GPC6: variants seen among roughly 807,000 people sequenced by gnomAD.
GPC6 encodes glypican-6.
A neutral mutation model predicts 55.2 loss-of-function variants in GPC6; 14 were observed. The observed-to-expected ratio is 0.25, with a 90% CI of 0.17 to 0.40. The LOEUF (loss-of-function observed/expected upper bound fraction) is 0.40, where lower values mean the gene tolerates loss of function less well. Ranked by LOEUF, GPC6 falls within the 10% of genes least tolerant of loss-of-function variation. The probability of loss-of-function intolerance (pLI) is 1.00; values close to 1 mark genes in which losing one functional copy is unlikely to be tolerated. For synonymous variants in GPC6, 278 were observed against 259.6 expected (o/e 1.07, Z -0.68); for missense variants, 641 against 708.5 (o/e 0.90, Z 1.08).
At chr13:93,600,632 C>T (rs1877967571) in intron 2 of GPC6, among the ~76,000 whole-genome samples, 1 of 152,148 alleles carries the variant, frequency 6.6e-6, no homozygotes, top group African/African-American at 2.4e-5. Context: ...TGCTGCTAAG[C>T]AGGTTTATGT....
intron 2 of GPC6, among the ~76,000 whole-genome samples, chr13:93,738,319 G>T (rs1279506188): frequency 6.6e-6 from 1 of 152,094 alleles, no homozygotes; most frequent in Non-Finnish European, 1.5e-5. Flanking sequence ...GACAGAAGTT[G>T]TTCTGAATAG....
chr13:93,728,496 T>C (rs1401071774), intron 2 of GPC6, among the ~76,000 whole-genome samples: 1 of 151,664 alleles, frequency 6.6e-6, no homozygotes, highest in Non-Finnish European at 1.5e-5. Context: ...CCACTTTGGC[T>C]TCCCAAAGTG....
At chr13:93,689,549 C>T (rs1426005663) in intron 2 of GPC6, among the ~76,000 whole-genome samples, 2 of 152,036 alleles carry the variant, frequency 1.3e-5, no homozygotes, top group East Asian at 3.9e-4. Flanking sequence ...ATAGGAAAGG[C>T]ATTCCAGTTA....
intron 1 of GPC6, among the ~76,000 whole-genome samples, chr13:93,268,263 A>G (rs1438264453): frequency 6.6e-6 from 1 of 152,186 alleles, no homozygotes; most frequent in Non-Finnish European, 1.5e-5. Flanking sequence ...AGACTTTCCA[A>G]TGCCATTTGG....
At chr13:93,940,368 G>A (rs548694284) in intron 3 of GPC6, among the ~76,000 whole-genome samples, 1 of 151,588 alleles carries the variant, frequency 6.6e-6, no homozygotes, top group Non-Finnish European at 1.5e-5. Flanking sequence ...GATCTAGTGT[G>A]GCAGAAAGGA....
At chr13:93,981,930 A>C (rs1195324292) in intron 3 of GPC6, among the ~76,000 whole-genome samples, 2 of 152,028 alleles carry the variant, frequency 1.3e-5, no homozygotes, top group African/African-American at 4.8e-5. Context: ...CCAATTTCTT[A>C]TTTCATCAAG....
chr13:94,144,063 C>T (rs1033963580), intron 4 of GPC6, among the ~76,000 whole-genome samples: 3 of 152,068 alleles, frequency 2.0e-5, no homozygotes, highest in African/African-American at 7.2e-5. Context: ...GAAGACGTTT[C>T]CTGAAGGAGA....
At chr13:93,512,772 A>G (rs1171976580) in intron 1 of GPC6, among the ~76,000 whole-genome samples, 9 of 152,122 alleles carry the variant, frequency 5.9e-5, no homozygotes. Flanking sequence ...TAGGATAAAA[A>G]TTTGTAGCTA....
At chr13:93,848,470 C>T (rs368800011) in intron 3 of GPC6, among the ~76,000 whole-genome samples, 4 of 152,086 alleles carry the variant, frequency 2.6e-5, no homozygotes, top group African/African-American at 9.7e-5. Context: ...GGCAACCCTC[C>T]CAGTCATTAG....
At chr13:93,275,386 G>A (rs1166173163) in intron 1 of GPC6, among the ~76,000 whole-genome samples, 1 of 152,146 alleles carries the variant, frequency 6.6e-6, no homozygotes, top group Non-Finnish European at 1.5e-5. Flanking sequence ...GGAGAAGAGA[G>A]CCTCATTCTT....
Position 94,403,531 on chromosome 13 carries a change from C to A in GPC6, c.*314C>A. 3 of 316,346 alleles carry A rather than the reference C, an allele frequency of 9.5e-6. No individual in the cohort carries two copies. Among genetic ancestry groups the A allele is most frequent in the South Asian group, 4.1e-5 (1 of 24,350 alleles). The allele number at this position is 316,346 out of a possible 1,614,324, so 19.6% of individuals were successfully genotyped here. On this transcript the variant is annotated 3_prime_UTR_variant, in exon 9 of 9. Coordinates refer to ENST00000377047, the MANE Select transcript of GPC6 (RefSeq NM_005708.5). ...ATGCTGCAGAAGTAAAGGAATCTCA[C>A]GTTGTGAGGGTTTTTTTTTTCTCAT...
chr13:93,328,168 A>G (rs941976977), intron 1 of GPC6, among the ~76,000 whole-genome samples: 8 of 152,152 alleles, frequency 5.3e-5, no homozygotes, highest in African/African-American at 9.7e-5. Flanking sequence ...GACTTAAAGC[A>G]AATTCCCAGG....
At chr13:93,875,752 A>G (rs192434298) in intron 3 of GPC6, among the ~76,000 whole-genome samples, 3 of 152,174 alleles carry the variant, frequency 2.0e-5, no homozygotes, top group Admixed American at 6.5e-5. Context: ...CAAGCTAATC[A>G]TCTGCCTCCT....
intron 2 of GPC6, among the ~76,000 whole-genome samples, chr13:93,718,575 A>G (rs1452356851): frequency 3.3e-5 from 5 of 151,996 alleles, no homozygotes; most frequent in African/African-American, 1.2e-4. Flanking sequence ...CTCTGATGAT[A>G]GTTTATTTTG....
intron 2 of GPC6, among the ~76,000 whole-genome samples, chr13:93,680,644 T>C (rs1881812215): frequency 3.3e-5 from 5 of 152,118 alleles, no homozygotes; most frequent in Admixed American, 2.6e-4. Flanking sequence ...GCATGACAGA[T>C]GACTGATAAC....
intron 2 of GPC6, among the ~76,000 whole-genome samples, chr13:93,558,050 A>C (rs1430275700): frequency 6.6e-6 from 1 of 152,218 alleles, no homozygotes; most frequent in East Asian, 1.9e-4. Flanking sequence ...TAAATAGCAC[A>C]GGCCTTGGAT....
intron 1 of GPC6, among the ~76,000 whole-genome samples, chr13:93,398,379 A>G (rs1875942966): frequency 6.6e-6 from 1 of 152,116 alleles, no homozygotes. Flanking sequence ...GTGATTTGAG[A>G]AGTGGTGTGC....
chr13:93,873,393 G>T (rs926793580), intron 3 of GPC6, among the ~76,000 whole-genome samples: 1 of 151,912 alleles, frequency 6.6e-6, no homozygotes, highest in African/African-American at 2.4e-5. Flanking sequence ...CCTTAGACTA[G>T]AGAAGAGGTC....
At chr13:93,808,021 G>A (rs1289571770) in intron 2 of GPC6, among the ~76,000 whole-genome samples, 2 of 152,176 alleles carry the variant, frequency 1.3e-5, no homozygotes, top group Non-Finnish European at 2.9e-5. Context: ...AGACAACATT[G>A]TACTTATGAA....
Sources: allele counts gnomAD v4.1 joint callset (sites outside exome capture counted in the v4.1 genomes callset), GRCh38; gene constraint gnomAD v4.1.1; transcripts MANE v1.5; gene names NCBI Gene and HGNC (gene_info 2026-07-23, HGNC 2026-07-21).